Variants in MYO1H observed in about 807,000 individuals in gnomAD.
MYO1H encodes the protein myosin IH, also known as unconventional myosin-Ih.
Under a neutral mutation model 149.3 loss-of-function variants are expected in MYO1H, and 118 were observed. The observed-to-expected ratio is 0.79, with a 90% CI of 0.68 to 0.92. The LOEUF (loss-of-function observed/expected upper bound fraction) is 0.92, where lower values mean the gene tolerates loss of function less well. MYO1H is among the 40% of genes least tolerant of loss of function. The pLI, the probability that MYO1H is intolerant of heterozygous loss-of-function variation, is 0.00. For synonymous variants in MYO1H, 447 were observed against 465.2 expected (o/e 0.96, Z 0.50); for missense variants, 1,212 against 1,280.7 (o/e 0.95, Z 0.82).
At chr12:109,414,007 G>A (rs1405380967) in intron 14 of MYO1H, among the ~76,000 whole-genome samples, 2 of 152,132 alleles carry the variant, frequency 1.3e-5, no homozygotes, top group Non-Finnish European at 2.9e-5. Flanking sequence ...GTCTGGTTGC[G>A]ACTAGAAAGG....
At chr12:109,389,595 A>G (rs1869549548) in intron 2 of MYO1H, among the ~76,000 whole-genome samples, 3 of 152,246 alleles carry the variant, frequency 2.0e-5, no homozygotes, top group African/African-American at 7.2e-5. Context: ...TCTCAGATTG[A>G]TCTTGTCACA....
the MYO1H span, among the ~76,000 whole-genome samples, chr12:109,326,599 G>A: frequency 6.6e-6 from 1 of 151,390 alleles, no homozygotes; most frequent in African/African-American, 2.4e-5. Flanking sequence ...TTGGCTCACT[G>A]CAACCTCCGC....
chr12:109,332,595 G>A, the MYO1H span, among the ~76,000 whole-genome samples: 1 of 152,058 alleles, frequency 6.6e-6, no homozygotes, highest in African/African-American at 2.4e-5. Context: ...TATTTTCTTA[G>A]AGGCCAGGGT....
In MYO1H at chr12:109,443,046, G is replaced by GTA. The variant is rs1430812347; in HGVS notation, c.2689-462_2689-461dup. Reference sequence around the variant, plus strand: ...TATATATATGTGTGTGTGTGTGTGTGTATATATGTGTACGTATGTGTGTAT... The same window carrying GTA: ...TATATATATGTGTGTGTGTGTGTGTGTATATATATGTGTACGTATGTGTGTAT... On this transcript the variant is annotated intron_variant, in intron 27 of 31. Coordinates refer to ENST00000310903, the Ensembl canonical transcript of MYO1H. 3.0e-5 allele frequency among the ~76,000 whole-genome samples: 2 copies of GTA among 66,970 alleles called. 1 individual carries two copies. Among genetic ancestry groups the GTA allele is most frequent in the African/African-American group, 1.9e-4 (2 of 10,426 alleles). The allele number at this position is 66,970 out of a possible 152,430, so 43.9% of individuals were successfully genotyped here. A position where few individuals can be genotyped will look rare whatever the true frequency, so the allele number is the denominator to read the frequency against.
At chr12:109,340,274 C>T in the MYO1H span, among the ~76,000 whole-genome samples, 37 of 152,226 alleles carry the variant, frequency 2.4e-4, no homozygotes, top group Admixed American at 6.5e-4. Flanking sequence ...TCTGCAATCC[C>T]GGTTCAAGCG....
chr12:109,391,591 G>T (rs1210526807), intron 2 of MYO1H, among the ~76,000 whole-genome samples: 1 of 152,086 alleles, frequency 6.6e-6, no homozygotes, highest in Non-Finnish European at 1.5e-5. Context: ...CTTTGGGATT[G>T]CTGGGTCAAA....
At chr12:109,409,119 C>A (rs1870525929) in intron 10 of MYO1H, among the ~76,000 whole-genome samples, 1 of 152,086 alleles carries the variant, frequency 6.6e-6, no homozygotes, top group Non-Finnish European at 1.5e-5. Flanking sequence ...TTTAAATACC[C>A]ACCCTGGCCT....
At chr12:109,311,997 C>T in the MYO1H span, among the ~76,000 whole-genome samples, 1 of 152,200 alleles carries the variant, frequency 6.6e-6, no homozygotes. Flanking sequence ...CTGTTATCTG[C>T]ATGGTCTGTT....
intron 1 of MYO1H, among the ~76,000 whole-genome samples, chr12:109,355,689 T>G (rs148265004): frequency 5.7e-4 from 87 of 151,932 alleles, no homozygotes; most frequent in African/African-American, 1.5e-3. Context: ...TTGTTTTGTT[T>G]TGTTTGGTTT....
chr12:109,339,007 T>C, the MYO1H span, among the ~76,000 whole-genome samples: 2 of 152,154 alleles, frequency 1.3e-5, no homozygotes, highest in Non-Finnish European at 2.9e-5. Flanking sequence ...GAATAGTTTG[T>C]TCATAACACT....
intron 16 of MYO1H, among the ~76,000 whole-genome samples, chr12:109,423,335 T>C (rs1461114197): frequency 6.6e-6 from 1 of 152,128 alleles, no homozygotes; most frequent in African/African-American, 2.4e-5. Context: ...ATTTTTTTTG[T>C]ATTTTTAGTA....
upstream of MYO1H, among the ~76,000 whole-genome samples, chr12:109,343,457 A>G (rs930631652): frequency 2.0e-5 from 3 of 152,370 alleles, no homozygotes; most frequent in South Asian, 4.1e-4. Context: ...GAATATTTTT[A>G]TCACTGACAT....
intron 1 of MYO1H, among the ~76,000 whole-genome samples, chr12:109,351,328 C>T (rs1317592954): frequency 6.6e-6 from 1 of 152,176 alleles, no homozygotes; most frequent in Non-Finnish European, 1.5e-5. Context: ...TTCCTCCCAT[C>T]AGCCTCTACT....
intron 21 of MYO1H, among the ~76,000 whole-genome samples, chr12:109,436,026 G>T (rs775008578): frequency 6.6e-6 from 1 of 152,208 alleles, no homozygotes; most frequent in African/African-American, 2.4e-5. Flanking sequence ...TGTGGAGGGG[G>T]TGGATGCAGG....
At chr12:109,386,668 T>A (rs1869327939) in intron 1 of MYO1H, among the ~76,000 whole-genome samples, 1 of 152,240 alleles carries the variant, frequency 6.6e-6, no homozygotes, top group South Asian at 2.1e-4. Flanking sequence ...TTCAAGTCTT[T>A]TGCCAAATTT....
At chr12:109,345,719 G>A (rs146917635), upstream of MYO1H, among the ~76,000 whole-genome samples, 659 of 152,258 alleles carry the variant, frequency 4.3e-3, 4 homozygotes, top group Non-Finnish European at 6.2e-3. Flanking sequence ...TGCATCAACT[G>A]ATGGATAAAC....
At chr12:109,402,071 TC>T (rs372282244) in intron 6 of MYO1H, among the ~76,000 whole-genome samples, 1 of 152,158 alleles carries the variant, frequency 6.6e-6, no homozygotes, top group African/African-American at 2.4e-5. Flanking sequence ...ATTCCTGCCT[TC>T]CACCTTGACA....
chr12:109,407,881 G>T (rs1233592276), exon 10 of MYO1H: 1 of 1,613,970 alleles, frequency 6.2e-7, no homozygotes, highest in East Asian at 2.2e-5. Flanking sequence ...TACTTGGCTG[G>T]TCAACAAAAT....
At chr12:109,340,236 G>C in the MYO1H span, among the ~76,000 whole-genome samples, 1 of 152,096 alleles carries the variant, frequency 6.6e-6, no homozygotes, top group African/African-American at 2.4e-5. Flanking sequence ...AGTGCAGTGA[G>C]TGGCATGATT....
Sources: allele counts gnomAD v4.1 joint callset (sites outside exome capture counted in the v4.1 genomes callset), GRCh38; gene constraint gnomAD v4.1.1; transcripts MANE v1.5; gene names NCBI Gene and HGNC (gene_info 2026-07-23, HGNC 2026-07-21).